Variants in FBLN5 observed in about 807,000 individuals in gnomAD.
FBLN5 encodes the protein fibulin-5.
In FBLN5, 24 loss-of-function variants were observed where a neutral mutation model predicts 61.6. The ratio of observed to expected loss-of-function variants is 0.39; its 90% CI spans 0.28 to 0.55. FBLN5 has a LOEUF of 0.55. FBLN5 is among the 20% of genes least tolerant of loss of function. The pLI, the probability that FBLN5 is intolerant of heterozygous loss-of-function variation, is 0.65. For missense variants in FBLN5, 470 were observed against 594.1 expected, an observed-to-expected ratio of 0.79 and a Z score of 2.17; for synonymous variants, 213 against 219.8, an observed-to-expected ratio of 0.97 and a Z score of 0.27.
intron 1 of FBLN5, among the ~76,000 whole-genome samples, chr14:91,946,088 C>T (rs2056179065): frequency 6.6e-6 from 1 of 151,340 alleles, no homozygotes. Context: ...ATCTTTCCCC[C>T]TACTCCCCGC....
chr14:91,940,968 T>G (rs1250130207), intron 2 of FBLN5, among the ~76,000 whole-genome samples: 1 of 152,122 alleles, frequency 6.6e-6, no homozygotes, highest in Non-Finnish European at 1.5e-5. Flanking sequence ...AAACTCCCTG[T>G]ACCATTGCTT....
At chr14:91,904,951 A>G (rs1456462154) in intron 4 of FBLN5, among the ~76,000 whole-genome samples, 1 of 152,126 alleles carries the variant, frequency 6.6e-6, no homozygotes, top group East Asian at 1.9e-4. Context: ...AGGAGGGAGG[A>G]GCATCATAGA....
At chr14:91,923,258 G>A (rs2055771851) in intron 4 of FBLN5, among the ~76,000 whole-genome samples, 1 of 152,134 alleles carries the variant, frequency 6.6e-6, no homozygotes, top group African/African-American at 2.4e-5. Context: ...TCTCCAAATA[G>A]GCTTGTAAAC....
At chr14:91,932,240 G>C (rs546466628) in intron 4 of FBLN5, among the ~76,000 whole-genome samples, 4 of 152,162 alleles carry the variant, frequency 2.6e-5, no homozygotes, top group African/African-American at 9.7e-5. Context: ...CTTGGCTCGT[G>C]GACTATAATT....
chr14:91,925,612 GA>G (rs2055815002), intron 4 of FBLN5, among the ~76,000 whole-genome samples: 1 of 152,200 alleles, frequency 6.6e-6, no homozygotes, highest in South Asian at 2.1e-4. Flanking sequence ...CCCATGGCAG[GA>G]AAACAAAGCT....
intron 4 of FBLN5, among the ~76,000 whole-genome samples, chr14:91,907,270 G>A (rs1890721449): frequency 6.6e-6 from 1 of 152,178 alleles, no homozygotes; most frequent in African/African-American, 2.4e-5. Context: ...GGATGCAGAT[G>A]TGATGGTAAG....
intron 8 of FBLN5, among the ~76,000 whole-genome samples, chr14:91,881,857 AAAT>A (rs1889492351): frequency 6.6e-6 from 1 of 152,036 alleles, no homozygotes; most frequent in South Asian, 2.1e-4. Context: ...ATACATGCTG[AAAT>A]AATATTTTGG....
intron 10 of FBLN5, among the ~76,000 whole-genome samples, chr14:91,872,504 C>T (rs572129226): frequency 6.6e-6 from 1 of 152,308 alleles, no homozygotes; most frequent in African/African-American, 2.4e-5. Flanking sequence ...TTTAAAGCTA[C>T]ACTAGATGTT....
At chr14:91,911,675 C>T (rs1790926588) in intron 4 of FBLN5, among the ~76,000 whole-genome samples, 1 of 152,328 alleles carries the variant, frequency 6.6e-6, no homozygotes, top group African/African-American at 2.4e-5. Flanking sequence ...TCTCTTCTAT[C>T]TGGAAAGGTT....
intron 9 of FBLN5, among the ~76,000 whole-genome samples, chr14:91,880,526 C>CGTGTGTGTGTGTGT (rs140201135): frequency 6.8e-6 from 1 of 147,456 alleles, no homozygotes; most frequent in Non-Finnish European, 1.5e-5. Context: ...AGTGTGCGTG[C>CGTGTGTGTGTGTGT]GTGTGTGTGT....
rs1052414278 is a variant in FBLN5, at chr14:91,917,283, G to A, written c.379+19664C>T. Among the ~76,000 whole-genome samples, 18 of 152,262 alleles carry A rather than the reference G, an allele frequency of 1.2e-4. No homozygotes were observed. The East Asian group carries it at 1.9e-3, about 16-fold the overall frequency. ...GTTCTACTTCTCAGCTTTCAGTTATGAAAAAACAAATTAGGCTGGGTGTGG... is the reference window on the plus strand; with the variant it reads ...GTTCTACTTCTCAGCTTTCAGTTATAAAAAAACAAATTAGGCTGGGTGTGG... On this transcript the variant is annotated intron_variant, in intron 4 of 10. Coordinates refer to ENST00000342058, the MANE Select transcript of FBLN5 (RefSeq NM_006329.4).
chr14:91,906,021 G>A (rs140991365), intron 4 of FBLN5, among the ~76,000 whole-genome samples: 3 of 152,200 alleles, frequency 2.0e-5, no homozygotes, highest in Non-Finnish European at 4.4e-5. Context: ...CGAATGGATG[G>A]GATTACAGGC....
At chr14:91,903,133 C>G (rs1365634897) in intron 4 of FBLN5, among the ~76,000 whole-genome samples, 2 of 152,086 alleles carry the variant, frequency 1.3e-5, no homozygotes, top group Non-Finnish European at 2.9e-5. Flanking sequence ...CGATTCTTAA[C>G]TGGATTCTTC....
intron 2 of FBLN5, among the ~76,000 whole-genome samples, chr14:91,941,304 G>A (rs1262047910): frequency 6.6e-6 from 1 of 152,160 alleles, no homozygotes; most frequent in Non-Finnish European, 1.5e-5. Flanking sequence ...TCAGCAAGAT[G>A]ACGACATAAA....
At chr14:91,938,622 G>C (rs1595348424) in intron 3 of FBLN5, among the ~76,000 whole-genome samples, 1 of 152,122 alleles carries the variant, frequency 6.6e-6, no homozygotes, top group Non-Finnish European at 1.5e-5. Flanking sequence ...AAGGGGAGAG[G>C]TGGACTCTCT....
chr14:91,909,761 C>A (rs1464576847), intron 4 of FBLN5, among the ~76,000 whole-genome samples: 1 of 152,154 alleles, frequency 6.6e-6, no homozygotes, highest in East Asian at 1.9e-4. Context: ...GCTAAATAGG[C>A]CTCTATTCTT....
At chr14:91,924,613 TG>T (rs1370274497) in intron 4 of FBLN5, among the ~76,000 whole-genome samples, 2 of 150,354 alleles carry the variant, frequency 1.3e-5, no homozygotes, top group African/African-American at 2.5e-5. Context: ...ACCCAGGAGA[TG>T]GGGGTTGCAG....
chr14:91,911,865 T>C (rs1890959268), intron 4 of FBLN5, among the ~76,000 whole-genome samples: 1 of 150,762 alleles, frequency 6.6e-6, no homozygotes, highest in South Asian at 2.1e-4. Context: ...AATGAGGGCA[T>C]GACCTTGTAG....
At chr14:91,891,399 C>G in intron 5 of FBLN5, 62 bp from the exon 6 acceptor site, 4 of 1,049,206 alleles carry the variant, frequency 3.8e-6, no homozygotes, top group Non-Finnish European at 6.0e-6. Flanking sequence ...CCCCCACTAG[C>G]ATGGCATGAT....
Sources: gnomAD v4.1 joint callset for allele counts (sites outside exome capture counted in the v4.1 genomes callset) on GRCh38, gnomAD v4.1.1 for gene constraint, MANE v1.5 for transcripts, NCBI Gene and HGNC (gene_info 2026-07-23, HGNC 2026-07-21) for gene names.